BUB1B: variants seen among roughly 807,000 people sequenced by gnomAD.
BUB1B encodes the protein mitotic checkpoint serine/threonine-protein kinase BUB1 beta.
In BUB1B, 86 loss-of-function variants were observed where a neutral mutation model predicts 137.7. That is an observed-to-expected ratio of 0.62 (90% confidence interval 0.52 to 0.75). BUB1B has a LOEUF of 0.75. BUB1B is among the 30% of genes least tolerant of loss of function. The pLI, the probability that BUB1B is intolerant of heterozygous loss-of-function variation, is 0.00. For missense variants in BUB1B, 1,130 were observed against 1,236.9 expected (o/e 0.91, Z 1.30); for synonymous variants, 420 against 417.9 (o/e 1.00, Z -0.06).
At chr15:40,220,033 G>A (rs1028079065) in intron 22 of BUB1B, among the ~76,000 whole-genome samples, 4 of 152,244 alleles carry the variant, frequency 2.6e-5, no homozygotes, top group African/African-American at 9.6e-5. Flanking sequence ...AGAAACAAGT[G>A]GGGTCAGTTG....
In BUB1B at chr15:40,170,597, G is replaced by A. The variant is rs753616425; in HGVS notation, c.300G>A (p.Thr100=). 16 of 1,612,836 alleles carry A rather than the reference G, an allele frequency of 9.9e-6. No homozygotes were observed. Among genetic ancestry groups the A allele is most frequent in the Admixed American group, 3.3e-5 (2 of 60,000 alleles). ...GTGGGAAGGAGAGTAATATGTCAAC[G>A]TTATTAGAAAGAGCTGTAGAAGCAC... The part of the protein sequence containing the change: ...PQGGKESNMS[T]LLERAVEALQ... Residue 100 remains threonine, a synonymous_variant, in exon 4 of 23, where the codon ACG becomes ACA. Transcript: ENST00000287598.
chr15:40,178,805 A>T (rs1308252566), intron 5 of BUB1B, among the ~76,000 whole-genome samples: 1 of 152,004 alleles, frequency 6.6e-6, no homozygotes, highest in Non-Finnish European at 1.5e-5. Context: ...AATACTCCTT[A>T]TTCAGAAGTC....
Position 40,202,387 on chromosome 15 carries a change from T to G in BUB1B, c.1568-18T>G. 2 of 1,577,392 alleles carry G rather than the reference T, an allele frequency of 1.3e-6. No individual in the cohort carries two copies. Among genetic ancestry groups the G allele is most frequent in the Non-Finnish European group, 1.7e-6 (2 of 1,148,872 alleles). On this transcript the variant is annotated intron_variant, in intron 12 of 22. Coordinates refer to ENST00000287598, the MANE Select transcript of BUB1B (RefSeq NM_001211.6). ...AGCATTTACTCCTAGAGTATGTATC[T>G]AGTCTCTCTTTCTCTAGGTCCCAGT...
rs34300396 is a variant in BUB1B at position 40,180,251 on chromosome 15, C to CTTTTTTTTT, written c.582-3451_582-3443dup. The stretch of plus-strand genomic sequence containing the variant: ...AGAATTCTGGGTCAACGTTTCGTTT[C>CTTTTTTTTT]TTTTTTTTTTTTTTTTTTTTGAGAT... On this transcript the variant is annotated intron_variant, in intron 5 of 22. Transcript: ENST00000287598. 2.9e-4 allele frequency among the ~76,000 whole-genome samples: 26 copies of CTTTTTTTTT among 90,494 alleles called. 2 individuals are homozygous for CTTTTTTTTT. The highest frequency in any genetic ancestry group is 8.9e-4 in the African/African-American group (20 of 22,574). 59.4% of individuals were successfully genotyped at this position (90,494 alleles called of 152,430 possible).
intron 5 of BUB1B, among the ~76,000 whole-genome samples, chr15:40,180,548 G>A (rs1322801129): frequency 6.6e-6 from 1 of 151,406 alleles, no homozygotes; most frequent in African/African-American, 2.4e-5. Context: ...TTACAGGCAT[G>A]AGCCACTGTA....
intron 8 of BUB1B, among the ~76,000 whole-genome samples, chr15:40,189,036 C>T (rs558700974): frequency 1.8e-4 from 27 of 152,218 alleles, no homozygotes; most frequent in African/African-American, 5.8e-4. Flanking sequence ...CTGTAAGACT[C>T]GATTCCCCAC....
At position 40,196,641 on chromosome 15, in the gene BUB1B, T is replaced by C. The variant is rs759000061; in HGVS notation, c.1155T>C (p.His385=). 2 of 1,614,028 alleles carry C rather than the reference T, an allele frequency of 1.2e-6. No homozygotes were observed. The highest frequency in any genetic ancestry group is 3.3e-5 in the Admixed American group (2 of 60,012). ...ATCCTCTACAAAGGGTTCAGAGCCA[T>C]CAGCAAGCGTCTGAGGAGAAGAAAG... ...EGDPLQRVQS[H]QQASEEKKEK... The change falls in exon 9 of 23, where the codon CAT becomes CAC. Residue 385 remains histidine (H), a synonymous_variant. Transcript: ENST00000287598.
At chr15:40,168,134 G>C (rs538043187) in intron 2 of BUB1B, among the ~76,000 whole-genome samples, 2 of 151,768 alleles carry the variant, frequency 1.3e-5, no homozygotes, top group Non-Finnish European at 2.9e-5. Context: ...TTAGGAGGCC[G>C]AGGCAGGCGG....
At chr15:40,163,277 A>G (rs1164499408) in intron 1 of BUB1B, among the ~76,000 whole-genome samples, 1 of 152,214 alleles carries the variant, frequency 6.6e-6, no homozygotes, top group Non-Finnish European at 1.5e-5. Flanking sequence ...TTACTGTAAA[A>G]TAAAAATCTG....
chr15:40,213,198 A>T, intron 19 of BUB1B, 134 bp from the exon 20 acceptor site: 3 of 858,182 alleles, frequency 3.5e-6, no homozygotes, highest in Non-Finnish European at 5.6e-6. Context: ...TGGGACATAG[A>T]CTCAGTCTAC....
chr15:40,183,693 T>C (rs2037323378), intron 5 of BUB1B, 21 bp from the exon 6 acceptor site: 2 of 1,613,526 alleles, frequency 1.2e-6, no homozygotes, highest in Non-Finnish European at 1.7e-6. Context: ...TCACTAAAAG[T>C]TGTGCATTCT....
chr15:40,178,361 T>C (rs1400674343), intron 5 of BUB1B, among the ~76,000 whole-genome samples: 1 of 152,068 alleles, frequency 6.6e-6, no homozygotes, highest in Non-Finnish European at 1.5e-5. Flanking sequence ...AGTTAGGAAG[T>C]GTTTTTGGAT....
chr15:40,182,366 A>T (rs1312310293), intron 5 of BUB1B, among the ~76,000 whole-genome samples: 1 of 152,214 alleles, frequency 6.6e-6, no homozygotes, highest in Non-Finnish European at 1.5e-5. Flanking sequence ...CATATGTTAT[A>T]AGACTCTGAT....
intron 20 of BUB1B, 124 bp from the exon 21 acceptor site, chr15:40,217,372 C>A: frequency 1.0e-6 from 1 of 998,014 alleles, no homozygotes; most frequent in Non-Finnish European, 1.6e-6. Context: ...TCAAAATTAA[C>A]CACTGGAGGG....
intron 15 of BUB1B, among the ~76,000 whole-genome samples, chr15:40,207,139 G>C (rs1309019144): frequency 6.6e-6 from 1 of 152,152 alleles, no homozygotes; most frequent in African/African-American, 2.4e-5. Flanking sequence ...TAGGCAACTA[G>C]AGATGTGTTT....
intron 5 of BUB1B, among the ~76,000 whole-genome samples, chr15:40,182,107 AG>A (rs760383460): frequency 6.6e-6 from 1 of 152,190 alleles, no homozygotes; most frequent in Non-Finnish European, 1.5e-5. Context: ...GGGAGGCTGA[AG>A]CAGGAGAATC....
chr15:40,168,543 A>G (rs2037127614), intron 2 of BUB1B, among the ~76,000 whole-genome samples: 1 of 152,176 alleles, frequency 6.6e-6, no homozygotes, highest in African/African-American at 2.4e-5. Flanking sequence ...TAATTGCCAT[A>G]TTAGCCTCAT....
intron 4 of BUB1B, among the ~76,000 whole-genome samples, chr15:40,174,841 A>G (rs1239861320): frequency 2.0e-5 from 3 of 152,076 alleles, no homozygotes; most frequent in Admixed American, 6.5e-5. Flanking sequence ...GCGGGCGCCT[A>G]TAGTCCCAGC....
chr15:40,171,712 G>A (rs2037164929), intron 4 of BUB1B, among the ~76,000 whole-genome samples: 1 of 152,192 alleles, frequency 6.6e-6, no homozygotes, highest in Non-Finnish European at 1.5e-5. Context: ...ACACAAAGAA[G>A]TGATATTTTA....
Sources: allele counts gnomAD v4.1 joint callset (sites outside exome capture counted in the v4.1 genomes callset), GRCh38; gene constraint gnomAD v4.1.1; transcripts MANE v1.5; gene names NCBI Gene and HGNC (gene_info 2026-07-23, HGNC 2026-07-21).